Variants in PREX2 observed in about 807,000 individuals in gnomAD.
The protein encoded by PREX2 is phosphatidylinositol 3,4,5-trisphosphate-dependent Rac exchanger 2 protein.
PREX2 carries 107 observed loss-of-function variants against 203.2 expected under a neutral mutation model. The observed-to-expected ratio is 0.53, with a 90% CI of 0.45 to 0.62. PREX2 has a LOEUF of 0.62. Among genes scored for constraint, PREX2 ranks in the 20% least tolerant of loss-of-function variants. The pLI is 0.00. For missense variants in PREX2, 1,777 were observed against 1,955.9 expected, an observed-to-expected ratio of 0.91 and a Z score of 1.72; for synonymous variants, 672 against 663.6, an observed-to-expected ratio of 1.01 and a Z score of -0.19.
rs1454104236 is a variant in PREX2, at chr8:68,217,734, A to G, written c.4707+16A>G. On this transcript the variant is annotated intron_variant, in intron 38 of 39. Transcript: ENST00000288368. ...GCGGAAGCAGGTAGGTCTCATGCAG[A>G]CTTGGGAATAGTTGTTTTGTAGGCC... is the stretch of plus-strand genomic sequence containing the variant. 6.3e-7 allele frequency: 1 copy of G among 1,582,946 alleles called. No individual in the cohort carries two copies. Among genetic ancestry groups the G allele is most frequent in the South Asian group, 1.1e-5 (1 of 89,952 alleles).
In PREX2 at chr8:68,113,549, A is replaced by T. The variant is rs1052168799; in HGVS notation, c.3147-2204A>T. On this transcript the variant is annotated intron_variant, in intron 25 of 39. Coordinates refer to ENST00000288368, the MANE Select transcript of PREX2 (RefSeq NM_024870.4). ...AGAAAAACTGTGTTTAAAATCATCC[A>T]TAGCTTTTGGTTATTAAAAATGTTC... Among the ~76,000 whole-genome samples, 10 of 152,216 alleles carry T rather than the reference A, an allele frequency of 6.6e-5. 1 individual carries two copies. Among genetic ancestry groups the T allele is most frequent in the Non-Finnish European group, 1.3e-4 (9 of 68,044 alleles).
At chr8:68,204,729 G>C (rs1812579303) in intron 37 of PREX2, among the ~76,000 whole-genome samples, 1 of 125,368 alleles carries the variant, frequency 8.0e-6, no homozygotes. Context: ...CTGTTGCCCA[G>C]GCTAGAGTGC....
intron 37 of PREX2, among the ~76,000 whole-genome samples, chr8:68,198,234 C>G (rs1812437839): frequency 1.3e-5 from 2 of 152,058 alleles, no homozygotes; most frequent in Non-Finnish European, 2.9e-5. Context: ...ATTATATTTC[C>G]TTTGTTCTTT....
intron 20 of PREX2, among the ~76,000 whole-genome samples, chr8:68,092,421 A>T (rs80014885): frequency 2.0e-3 from 301 of 152,348 alleles, no homozygotes; most frequent in African/African-American, 6.9e-3. Flanking sequence ...TACATATTGT[A>T]TCATACTTCA....
chr8:68,091,081 A>G, intron 20 of PREX2, among the ~76,000 whole-genome samples: 1 of 152,216 alleles, frequency 6.6e-6, no homozygotes, highest in Non-Finnish European at 1.5e-5. Flanking sequence ...TGTATGAACT[A>G]TAAATACCTA....
At position 68,109,526 on chromosome 8, in the gene PREX2, G is replaced by T; in HGVS notation, c.3049G>T (p.Glu1017Ter). 6.2e-7 allele frequency: 1 copy of T among 1,614,034 alleles called. No homozygotes were observed. The highest frequency in any genetic ancestry group is 8.5e-7 in the Non-Finnish European group (1 of 1,179,924). The change falls in exon 25 of 40, where the codon GAA (glutamate) becomes TAA (stop). Residue 1017 changes from glutamate to a stop codon, truncating the protein, a stop_gained. Transcript: ENST00000288368. LOFTEE classifies it high-confidence loss of function. ...CCATGGTCTCAGGTATCTGCTAAAAGAAGAAGACTTAGAAACCCAAGACAT... is the reference window on the plus strand; with the variant it reads ...CCATGGTCTCAGGTATCTGCTAAAATAAGAAGACTTAGAAACCCAAGACAT... ...DGHGLRYLLK[E>*]EDLETQDIYQ...
At chr8:67,989,022 C>T (rs4737875) in intron 1 of PREX2, among the ~76,000 whole-genome samples, 33,625 of 152,082 alleles carry the variant, frequency 0.22, 4,813 homozygotes, top group East Asian at 0.54. Context: ...TGACCTCTGC[C>T]TGGGGACATG....
intron 23 of PREX2, among the ~76,000 whole-genome samples, chr8:68,100,832 G>T (rs974650639): frequency 6.6e-6 from 1 of 152,144 alleles, no homozygotes; most frequent in Non-Finnish European, 1.5e-5. Flanking sequence ...TGCTTTTGTA[G>T]GAATGGATTG....
chr8:68,120,548 A>G (rs1224724170), intron 29 of PREX2, among the ~76,000 whole-genome samples: 1 of 152,188 alleles, frequency 6.6e-6, no homozygotes, highest in Non-Finnish European at 1.5e-5. Context: ...TTAATTGAAG[A>G]TACATAAACA....
intron 4 of PREX2, among the ~76,000 whole-genome samples, chr8:68,024,346 G>C (rs190477916): frequency 4.4e-4 from 67 of 151,944 alleles, no homozygotes; most frequent in Admixed American, 1.8e-3. Flanking sequence ...TTTGTTTGCT[G>C]TATTTTGGGA....
At chr8:67,952,784 C>T in intron 1 of PREX2, 1 of 601,464 alleles carries the variant, frequency 1.7e-6, no homozygotes, top group Non-Finnish European at 3.0e-6. Flanking sequence ...AAAGTTAGCT[C>T]TAGAGAAGAG....
At chr8:68,220,160 T>C (rs1812927275) in intron 38 of PREX2, 1 of 152,070 alleles carries the variant, frequency 6.6e-6, no homozygotes, top group African/African-American at 2.4e-5. Flanking sequence ...AATTTCAATA[T>C]TGTTTTCCTC....
chr8:68,046,975 C>T (rs921519514), intron 8 of PREX2, among the ~76,000 whole-genome samples: 3 of 151,912 alleles, frequency 2.0e-5, no homozygotes, highest in African/African-American at 4.8e-5. Flanking sequence ...TTCAGATGAT[C>T]GAAATGAGGC....
chr8:68,142,021 C>G (rs967936201), intron 33 of PREX2, among the ~76,000 whole-genome samples: 12 of 152,056 alleles, frequency 7.9e-5, no homozygotes, highest in Non-Finnish European at 1.3e-4. Flanking sequence ...GAGGAAGGTA[C>G]AGAGATTTTC....
At chr8:68,158,115 A>ATATATATGTGTG (rs1811579950) in intron 35 of PREX2, among the ~76,000 whole-genome samples, 2 of 1,414 alleles carry the variant, frequency 1.4e-3, no homozygotes, top group East Asian at 0.17. Flanking sequence ...ATATGTGTGT[A>ATATATATGTGTG]TATATATGTA....
chr8:68,196,716 A>G (rs917717711), intron 37 of PREX2, among the ~76,000 whole-genome samples: 4 of 145,310 alleles, frequency 2.8e-5, no homozygotes, highest in East Asian at 2.0e-4. Flanking sequence ...TTAAAGATGT[A>G]TGGCACCTCC....
In PREX2 at chr8:68,080,466, G is replaced by C. The variant is rs1197977797; in HGVS notation, c.1666G>C (p.Asp556His). ...AGTCCTTGAAAAAAGCGAATTCAAAGATGAACCCCTACTTTTCCGTTTTTT... is the reference window on the plus strand; with the variant it reads ...AGTCCTTGAAAAAAGCGAATTCAAACATGAACCCCTACTTTTCCGTTTTTT... ...HHVLEKSEFKDEPLLFRFFSD... is the reference protein window; with the variant it reads ...HHVLEKSEFKHEPLLFRFFSD... Residue 556 changes from aspartate to histidine, a missense_variant, in exon 16 of 40, where the codon GAT becomes CAT. Transcript: ENST00000288368. 1 of 1,611,932 alleles carries C rather than the reference G, an allele frequency of 6.2e-7. No homozygotes were observed. Among genetic ancestry groups the C allele is most frequent in the Non-Finnish European group, 8.5e-7 (1 of 1,179,316 alleles).
chr8:68,192,278 T>C, intron 36 of PREX2, 57 bp from the exon 37 acceptor site: 1 of 1,383,930 alleles, frequency 7.2e-7, no homozygotes. Flanking sequence ...TACCAACCTA[T>C]CTAAAAGAAT....
At chr8:68,145,666 A>T (rs1377774528) in intron 33 of PREX2, among the ~76,000 whole-genome samples, 1 of 152,098 alleles carries the variant, frequency 6.6e-6, no homozygotes, top group Non-Finnish European at 1.5e-5. Flanking sequence ...TTAAGTAATT[A>T]AATTTAGGAT....
Sources: allele counts gnomAD v4.1 joint callset (sites outside exome capture counted in the v4.1 genomes callset), GRCh38; gene constraint gnomAD v4.1.1; transcripts MANE v1.5; gene names NCBI Gene and HGNC (gene_info 2026-07-23, HGNC 2026-07-21).